The following CNTN5 variants were observed in gnomAD, a reference collection of about 807,000 sequenced individuals.
CNTN5 encodes contactin 5.
A neutral mutation model predicts 129.1 loss-of-function variants in CNTN5; 77 were observed. The ratio of observed to expected loss-of-function variants is 0.60; its 90% CI spans 0.50 to 0.72. CNTN5 has a LOEUF of 0.72. CNTN5 is among the 30% of genes least tolerant of loss of function. The probability of loss-of-function intolerance (pLI) is 0.00; values close to 1 mark genes in which losing one functional copy is unlikely to be tolerated. For missense variants in CNTN5, 1,478 were observed against 1,328.8 expected, an observed-to-expected ratio of 1.11 and a Z score of -1.75; for synonymous variants, 509 against 465.6, an observed-to-expected ratio of 1.09 and a Z score of -1.20.
At chr11:99,362,069 T>C (rs765293890) in intron 2 of CNTN5, among the ~76,000 whole-genome samples, 12 of 152,158 alleles carry the variant, frequency 7.9e-5, no homozygotes, top group Non-Finnish European at 1.5e-4. Context: ...TGTGCCTCTG[T>C]AACATTTTGT....
At chr11:99,747,666 G>T (rs569105582) in intron 3 of CNTN5, among the ~76,000 whole-genome samples, 9 of 151,806 alleles carry the variant, frequency 5.9e-5, no homozygotes, top group Non-Finnish European at 1.3e-4. Context: ...GTAGAGACGA[G>T]GTTTCACTGT....
At chr11:99,396,919 T>G (rs1242320326) in intron 2 of CNTN5, among the ~76,000 whole-genome samples, 1 of 151,744 alleles carries the variant, frequency 6.6e-6, no homozygotes, top group South Asian at 2.1e-4. Flanking sequence ...GCCTTTAATA[T>G]GCATTATCCC....
chr11:99,667,570 C>T (rs1239598864), intron 3 of CNTN5, among the ~76,000 whole-genome samples: 7 of 152,142 alleles, frequency 4.6e-5, no homozygotes, highest in African/African-American at 1.2e-4. Flanking sequence ...AAATTGAAAT[C>T]GATAAATTTC....
chr11:99,384,114 A>G (rs1411388820), intron 2 of CNTN5, among the ~76,000 whole-genome samples: 1 of 152,176 alleles, frequency 6.6e-6, no homozygotes, highest in Non-Finnish European at 1.5e-5. Context: ...TGTTCCATCA[A>G]GGGAAAATGA....
chr11:99,972,897 A>T (rs547649405), intron 8 of CNTN5, among the ~76,000 whole-genome samples: 13 of 152,222 alleles, frequency 8.5e-5, no homozygotes, highest in African/African-American at 3.1e-4. Flanking sequence ...ACATATATTC[A>T]GTATATTTTA....
intron 1 of CNTN5, among the ~76,000 whole-genome samples, chr11:99,040,105 T>A (rs1260283524): frequency 6.6e-6 from 1 of 152,070 alleles, no homozygotes; most frequent in East Asian, 1.9e-4. Flanking sequence ...AATACAGACA[T>A]GTTGGACTAT....
chr11:100,206,668 G>A (rs771880450), intron 15 of CNTN5, among the ~76,000 whole-genome samples: 5 of 151,744 alleles, frequency 3.3e-5, no homozygotes, highest in Admixed American at 6.6e-5. Flanking sequence ...ATTTTTTTTC[G>A]TGAGGCTGCT....
At chr11:99,824,808 A>G (rs534326909) in intron 4 of CNTN5, among the ~76,000 whole-genome samples, 4 of 152,092 alleles carry the variant, frequency 2.6e-5, no homozygotes, top group Admixed American at 2.0e-4. Context: ...GTATTAACCA[A>G]TGTCAGTGAT....
chr11:100,241,903 A>C (rs1309283363), intron 16 of CNTN5, among the ~76,000 whole-genome samples: 2 of 152,220 alleles, frequency 1.3e-5, no homozygotes, highest in African/African-American at 4.8e-5. Context: ...CTTACTGCTA[A>C]GAAAAAATAC....
At chr11:99,247,735 GT>G (rs1285809607) in intron 1 of CNTN5, among the ~76,000 whole-genome samples, 7 of 152,074 alleles carry the variant, frequency 4.6e-5, no homozygotes, top group African/African-American at 1.7e-4. Context: ...CCTTGTGATA[GT>G]TTGCTGAGAA....
intron 3 of CNTN5, among the ~76,000 whole-genome samples, chr11:99,798,930 A>G (rs181119582): frequency 2.0e-5 from 3 of 152,188 alleles, no homozygotes; most frequent in East Asian, 1.9e-4. Context: ...TGTGTCATCT[A>G]TGATTTCTCT....
At chr11:99,158,187 GT>G (rs1860427269) in intron 1 of CNTN5, among the ~76,000 whole-genome samples, 1 of 152,106 alleles carries the variant, frequency 6.6e-6, no homozygotes, top group Non-Finnish European at 1.5e-5. Context: ...TGTTTGGTAT[GT>G]AAATTTCACA....
At chr11:99,680,533 G>A (rs1953503488) in intron 3 of CNTN5, among the ~76,000 whole-genome samples, 1 of 152,106 alleles carries the variant, frequency 6.6e-6, no homozygotes, top group African/African-American at 2.4e-5. Flanking sequence ...GAGATTTAAT[G>A]CTCAGAAAAA....
intron 4 of CNTN5, among the ~76,000 whole-genome samples, chr11:99,830,570 A>G (rs1473376816): frequency 6.6e-6 from 1 of 152,128 alleles, no homozygotes; most frequent in African/African-American, 2.4e-5. Flanking sequence ...CTTTTATGAA[A>G]ATAAGAATTC....
intron 20 of CNTN5, among the ~76,000 whole-genome samples, chr11:100,306,012 G>T (rs1951340690): frequency 6.6e-6 from 1 of 151,408 alleles, no homozygotes; most frequent in African/African-American, 2.4e-5. Flanking sequence ...AAATTTTGGG[G>T]GGGGCACATT....
intron 6 of CNTN5, among the ~76,000 whole-genome samples, chr11:99,907,432 T>C (rs977949190): frequency 6.6e-6 from 1 of 152,050 alleles, no homozygotes; most frequent in Admixed American, 6.6e-5. Context: ...GTCTTTTCTA[T>C]ATTCTTCAAA....
At chr11:99,422,341 T>G (rs956113709) in intron 2 of CNTN5, among the ~76,000 whole-genome samples, 2 of 151,804 alleles carry the variant, frequency 1.3e-5, no homozygotes, top group African/African-American at 2.4e-5. Context: ...TTCCTATGAA[T>G]GACAACTCAC....
At chr11:99,329,496 T>C (rs1427962579) in intron 2 of CNTN5, among the ~76,000 whole-genome samples, 1 of 152,190 alleles carries the variant, frequency 6.6e-6, no homozygotes, top group Non-Finnish European at 1.5e-5. Flanking sequence ...ACTCTTAGTC[T>C]GAAGGCTCAG....
rs1943871749 is a variant in CNTN5 at position 100,070,347 on chromosome 11, T to C, written c.1163-77T>C. 3.5e-6 allele frequency: 5 copies of C among 1,436,086 alleles called. No homozygotes were observed. The South Asian group carries it at 6.5e-5, about 19-fold the overall frequency. 89.0% of individuals were successfully genotyped at this position (1,436,086 alleles called of 1,614,324 possible). A position where few individuals can be genotyped will look rare whatever the true frequency, so the allele number is the denominator to read the frequency against. On this transcript the variant is annotated intron_variant, in intron 10 of 24. Coordinates refer to ENST00000524871, the MANE Select transcript of CNTN5 (RefSeq NM_014361.4). Reference sequence around the variant, plus strand: ...TTGCTTTTAAAAAAATACGTTGAATTTTTCCATGTAAATTTTAAACTTGGT... The same window carrying C: ...TTGCTTTTAAAAAAATACGTTGAATCTTTCCATGTAAATTTTAAACTTGGT...
Sources: gnomAD v4.1 joint callset for allele counts (sites outside exome capture counted in the v4.1 genomes callset) on GRCh38, gnomAD v4.1.1 for gene constraint, MANE v1.5 for transcripts, NCBI Gene and HGNC (gene_info 2026-07-23, HGNC 2026-07-21) for gene names.